USO1: variants seen among roughly 807,000 people sequenced by gnomAD.
USO1 encodes the protein USO1 vesicle transport factor.
Under a neutral mutation model 124.5 loss-of-function variants are expected in USO1, and 57 were observed. That is an observed-to-expected ratio of 0.46 (90% CI 0.37 to 0.57). The LOEUF (loss-of-function observed/expected upper bound fraction) is 0.57, where lower values mean the gene tolerates loss of function less well. Among genes scored for constraint, USO1 ranks in the 20% least tolerant of loss-of-function variants. USO1 has a pLI of 0.00. For synonymous variants in USO1, 369 were observed against 362.8 expected, an observed-to-expected ratio of 1.02 and a Z score of -0.19; for missense variants, 900 against 1,040.6, an observed-to-expected ratio of 0.86 and a Z score of 1.86.
Position 75,813,207 on chromosome 4 carries a change from T to G in USO1, c.2801T>G (p.Val934Gly). Residue 934 changes from valine (V) to glycine (G), a missense_variant and splice_region_variant, in exon 24 of 24, where the codon GTT (valine) becomes GGT (glycine). By Grantham distance (109) the Val-to-Gly change is moderately radical (BLOSUM62 -3). This residue lies in a region of USO1 where 362 missense variants were observed against 359.0 expected (regional missense o/e 1.01). Transcript: ENST00000514213. ...ATTAAATACGTCTTTTTCCTCTAGG[T>G]TGAAGAAGAGGATGAACTTGAATCT... ...KNKLKDLGHP[V>G]EEEDELESGD... The G allele has an allele frequency of 6.2e-7, 1 of 1,605,156 alleles. No homozygotes were observed. Among genetic ancestry groups the G allele is most frequent in the East Asian group, 2.2e-5 (1 of 44,726 alleles).
chr4:75,789,921 G>GT (rs1347013675), intron 10 of USO1, among the ~76,000 whole-genome samples: 1 of 151,712 alleles, frequency 6.6e-6, no homozygotes, highest in Non-Finnish European at 1.5e-5. Flanking sequence ...AGATTATAAT[G>GT]TTATCATTGA....
intron 1 of USO1, among the ~76,000 whole-genome samples, chr4:75,730,450 GACCTT>G (rs1004007062): frequency 1.3e-5 from 2 of 151,964 alleles, no homozygotes; most frequent in African/African-American, 4.8e-5. Context: ...TATCTGACCA[GACCTT>G]TTTTTTTCCT....
At chr4:75,753,438 G>A (rs1721344627) in intron 3 of USO1, among the ~76,000 whole-genome samples, 1 of 152,076 alleles carries the variant, frequency 6.6e-6, no homozygotes, top group Admixed American at 6.6e-5. Context: ...GGAGTCTGAG[G>A]TGGGAGAAAT....
At chr4:75,724,934 C>A (rs201349953) in intron 1 of USO1, 49 bp downstream of exon 1, 2 of 1,602,792 alleles carry the variant, frequency 1.2e-6, no homozygotes, top group Non-Finnish European at 1.7e-6. Context: ...CGGGCAGGGA[C>A]GGGGACGGAG....
At chr4:75,733,133 C>T (rs148611098) in intron 1 of USO1, among the ~76,000 whole-genome samples, 29,809 of 151,378 alleles carry the variant, frequency 0.2, 3,110 homozygotes, top group African/African-American at 0.24. Context: ...GTGGCGGGCA[C>T]CTGTAGTCCC....
In USO1 at chr4:75,808,948, C is replaced by T; in HGVS notation, c.2377-5C>T. On this transcript the variant is annotated splice_polypyrimidine_tract_variant and splice_region_variant and intron_variant, in intron 20 of 23. Transcript: ENST00000514213. The stretch of plus-strand genomic sequence containing the variant: ...TGTTATGACTCAACTATTTTTGTCT[C>T]TTAGGAACTGGCAACTTTAAAGTCT... 2.5e-6 allele frequency: 4 copies of T among 1,589,090 alleles called. No homozygotes were observed. The highest frequency in any genetic ancestry group is 3.4e-6 in the Non-Finnish European group (4 of 1,168,274).
intron 23 of USO1, 89 bp downstream of exon 23, chr4:75,812,464 GC>G: frequency 6.8e-7 from 1 of 1,475,138 alleles, no homozygotes. Context: ...GAAAAGTTGT[GC>G]CTGTATTATA....
chr4:75,790,795 A>T lies in USO1; in HGVS notation c.1238A>T (p.Asp413Val). Residue 413 changes from aspartate to valine, a missense_variant and splice_region_variant, in exon 12 of 24, where the codon GAT (aspartate) becomes GTT (valine). By Grantham distance (152) the Asp-to-Val change is radical. Around this residue, in one of 2 missense-constraint regions of USO1, gnomAD observed 538 missense variants for 681.6 expected, o/e 0.79. Transcript: ENST00000514213. ...IVSTLLPSTI[D>V]ATGNSVSAGQ... ...TCAACACTTTTACCTTCTACCATTG[A>T]TGGTAAATAATTTAGTTCTAATTTT... The T allele has an allele frequency of 1.9e-6, 3 of 1,580,282 alleles. No homozygotes were observed. The highest frequency in any genetic ancestry group is 2.6e-6 in the Non-Finnish European group (3 of 1,166,508).
Position 75,771,094 on chromosome 4 carries a change from T to A in USO1, c.512T>A (p.Leu171Ter). The A allele has an allele frequency of 6.2e-7, 1 of 1,611,782 alleles. No homozygotes were observed. Among genetic ancestry groups the A allele is most frequent in the East Asian group, 2.2e-5 (1 of 44,844 alleles). Residue 171 changes from leucine (L) to a stop codon, truncating the protein, a stop_gained, in exon 7 of 24, where the codon TTG becomes TAG. Coordinates refer to ENST00000514213, the MANE Select transcript of USO1 (RefSeq NM_003715.4). LOFTEE classifies it high-confidence loss of function. The stretch of plus-strand genomic sequence containing the variant: ...TTGTATGTTCTAGGTGTTTCAAGAT[T>A]GATGGACTTACTAGCGGATTCCAGG... Reference protein sequence around the residue: ...ILVSPMGVSRLMDLLADSREV... With the variant: ...ILVSPMGVSR
chr4:75,782,608 T>A, intron 8 of USO1, 72 bp from the exon 9 acceptor site: 3 of 1,480,712 alleles, frequency 2.0e-6, no homozygotes, highest in Non-Finnish European at 2.7e-6. Context: ...GATTTATCTT[T>A]TTAAAAATGT....
intron 3 of USO1, among the ~76,000 whole-genome samples, chr4:75,754,383 C>G (rs960020735): frequency 3.9e-5 from 6 of 152,146 alleles, no homozygotes; most frequent in African/African-American, 1.4e-4. Context: ...ACACCTGGCC[C>G]TCAATTTCTT....
At chr4:75,759,558 C>A (rs988745789) in intron 4 of USO1, among the ~76,000 whole-genome samples, 2 of 149,944 alleles carry the variant, frequency 1.3e-5, no homozygotes, top group African/African-American at 2.5e-5. Flanking sequence ...TGTGCCATTG[C>A]ACTTCAGCCT....
intron 13 of USO1, among the ~76,000 whole-genome samples, chr4:75,797,721 A>C (rs1277445091): frequency 6.6e-6 from 1 of 151,986 alleles, no homozygotes; most frequent in East Asian, 1.9e-4. Flanking sequence ...GGCTCACTGC[A>C]ACCTCTACCT....
At chr4:75,742,981 A>G (rs962017734) in intron 1 of USO1, among the ~76,000 whole-genome samples, 27 of 148,924 alleles carry the variant, frequency 1.8e-4, no homozygotes, top group African/African-American at 6.2e-4. Context: ...GTGAATAAGC[A>G]TATCTTTTTT....
At chr4:75,730,664 G>A (rs1720605495) in intron 1 of USO1, among the ~76,000 whole-genome samples, 1 of 151,800 alleles carries the variant, frequency 6.6e-6, no homozygotes, top group African/African-American at 2.4e-5. Context: ...TTCTTTTTAT[G>A]TATTTACCTT....
intron 4 of USO1, among the ~76,000 whole-genome samples, chr4:75,762,843 G>A (rs1320274866): frequency 6.6e-6 from 1 of 152,198 alleles, no homozygotes; most frequent in African/African-American, 2.4e-5. Context: ...CAGGAGAATG[G>A]TGTGAACCTG....
chr4:75,813,162 C>A, intron 23 of USO1, 44 bp from the exon 24 acceptor site: 1 of 1,567,046 alleles, frequency 6.4e-7, no homozygotes. Context: ...TTGAATGTGA[C>A]ATGAACAGAT....
In USO1 at chr4:75,762,483, T is replaced by G. The variant is rs143850057; in HGVS notation, c.295+4910T>G. ...AGCCAGAACAATATTTTTAAATACA[T>G]TTTTTCCTTCCTTTTTTTTTTAAAG... On this transcript the variant is annotated intron_variant, in intron 4 of 23. Coordinates refer to ENST00000514213, the MANE Select transcript of USO1 (RefSeq NM_003715.4). Among the ~76,000 whole-genome samples the G allele has an allele frequency of 5.9e-5, 9 of 152,164 alleles. No individual in the cohort carries two copies. The East Asian group carries it at 1.7e-3, about 29-fold the overall frequency.
intron 4 of USO1, among the ~76,000 whole-genome samples, chr4:75,758,529 T>A (rs1214290960): frequency 2.6e-5 from 4 of 152,200 alleles, no homozygotes; most frequent in Non-Finnish European, 5.9e-5. Flanking sequence ...ATTGAGAACA[T>A]CTGAAACTGG....
Sources: allele counts gnomAD v4.1 joint callset (sites outside exome capture counted in the v4.1 genomes callset), GRCh38; gene constraint gnomAD v4.1.1; regional missense constraint gnomAD v4.1.1; transcripts MANE v1.5; gene names NCBI Gene and HGNC (gene_info 2026-07-23, HGNC 2026-07-21).